Variants in KLHL1 observed in about 807,000 individuals in gnomAD.
KLHL1 encodes the protein kelch-like protein 1.
Under a neutral mutation model 77.7 loss-of-function variants are expected in KLHL1, and 47 were observed. The ratio of observed to expected loss-of-function variants is 0.60; its 90% CI spans 0.48 to 0.77. The LOEUF (loss-of-function observed/expected upper bound fraction) is 0.77, where lower values mean the gene tolerates loss of function less well. Among genes scored for constraint, KLHL1 ranks in the 30% least tolerant of loss-of-function variants. The probability of loss-of-function intolerance (pLI) is 0.00; values close to 1 mark genes in which losing one functional copy is unlikely to be tolerated. For missense variants in KLHL1, 925 were observed against 910.8 expected (o/e 1.02, Z -0.20); for synonymous variants, 360 against 325.2 (o/e 1.11, Z -1.15).
chr13:70,008,637 C>T (rs547276279), intron 1 of KLHL1, among the ~76,000 whole-genome samples: 1 of 152,136 alleles, frequency 6.6e-6, no homozygotes, highest in South Asian at 2.1e-4. Context: ...TCATTTACAA[C>T]CCACAATTAT....
At chr13:69,942,669 A>G (rs919817312) in intron 3 of KLHL1, among the ~76,000 whole-genome samples, 1 of 152,090 alleles carries the variant, frequency 6.6e-6, no homozygotes, top group African/African-American at 2.4e-5. Context: ...ATTTTGCTAT[A>G]TGTATGTGTA....
chr13:69,718,325 G>A (rs1180383154), intron 9 of KLHL1, among the ~76,000 whole-genome samples: 1 of 152,022 alleles, frequency 6.6e-6, no homozygotes, highest in African/African-American at 2.4e-5. Flanking sequence ...ATTACTTGCA[G>A]TTGAAATCTT....
chr13:69,941,259 C>A (rs1883357298), intron 3 of KLHL1, among the ~76,000 whole-genome samples: 1 of 151,866 alleles, frequency 6.6e-6, no homozygotes, highest in Non-Finnish European at 1.5e-5. Context: ...TCCTCTCAGA[C>A]CACAGTGGAA....
intron 1 of KLHL1, among the ~76,000 whole-genome samples, chr13:69,978,216 T>C (rs1375998756): frequency 6.6e-6 from 1 of 151,926 alleles, no homozygotes; most frequent in Non-Finnish European, 1.5e-5. Context: ...ATTTTAAGAT[T>C]TAGAATGAAC....
chr13:69,954,314 G>C (rs1381656437), intron 3 of KLHL1, among the ~76,000 whole-genome samples: 1 of 151,008 alleles, frequency 6.6e-6, no homozygotes, highest in Non-Finnish European at 1.5e-5. Flanking sequence ...AAGTACAGGT[G>C]GAAAAAGCCT....
Position 70,107,593 on chromosome 13 carries a change from C to T in KLHL1, c.107G>A (p.Gly36Asp), listed in dbSNP as rs781511350. The T allele has an allele frequency of 1.2e-5, 19 of 1,598,174 alleles. No homozygotes were observed. The highest frequency in any genetic ancestry group is 1.6e-5 in the Non-Finnish European group (19 of 1,172,354). ...GCCACTGCCGTCCTGTTGCAGGCAG[C>T]CTCCCCCCGCCGGGCCGCCGGTGGA... is the stretch of plus-strand genomic sequence containing the variant. ...SPSTGGPAGG[G>D]CLQQDGSGSF... Residue 36 changes from glycine to aspartate, a missense_variant, in exon 1 of 11, where the codon GGC becomes GAC. Coordinates refer to ENST00000377844, the MANE Select transcript of KLHL1 (RefSeq NM_020866.3).
chr13:69,979,403 T>C (rs535073389), intron 1 of KLHL1, among the ~76,000 whole-genome samples: 23 of 152,184 alleles, frequency 1.5e-4, no homozygotes, highest in African/African-American at 4.3e-4. Flanking sequence ...ATACTTAATA[T>C]AGAATTTTAA....
intron 1 of KLHL1, among the ~76,000 whole-genome samples, chr13:70,101,908 A>C (rs1313734853): frequency 6.6e-6 from 1 of 152,020 alleles, no homozygotes; most frequent in Non-Finnish European, 1.5e-5. Context: ...TTTGGTTTAA[A>C]TAATAGTAAA....
intron 5 of KLHL1, among the ~76,000 whole-genome samples, chr13:69,842,903 G>A (rs1468080932): frequency 2.6e-5 from 4 of 151,744 alleles, no homozygotes; most frequent in African/African-American, 9.7e-5. Context: ...TATGGAACTG[G>A]AGGTCATTAT....
intron 1 of KLHL1, among the ~76,000 whole-genome samples, chr13:69,981,222 AC>A (rs1056767026): frequency 4.3e-4 from 61 of 143,454 alleles, no homozygotes; most frequent in African/African-American, 1.7e-3. Context: ...TTATGACAAT[AC>A]TAAAATTACA....
chr13:69,818,781 C>T (rs1878226867), intron 6 of KLHL1, among the ~76,000 whole-genome samples: 1 of 152,140 alleles, frequency 6.6e-6, no homozygotes, highest in South Asian at 2.1e-4. Context: ...CAGTGATATA[C>T]TTCAAGCTCA....
rs1297229089 is a variant in KLHL1 at position 69,779,338 on chromosome 13, TTCCTTCCC to T, written c.1639+17392_1639+17399del. On this transcript the variant is annotated intron_variant, in intron 7 of 10. Transcript: ENST00000377844. ...TTCTGTTAAAAAAGGTCTTCCTTCC[TTCCTTCCC>T]TCCTCTTTTTTCCTTTCCTTCCTCC... Among the ~76,000 whole-genome samples, 9 of 150,968 alleles carry T rather than the reference TTCCTTCCC, an allele frequency of 6.0e-5. No individual in the cohort carries two copies. In the East Asian group the frequency reaches 1.4e-3, roughly 23 times the overall value.
intron 1 of KLHL1, among the ~76,000 whole-genome samples, chr13:70,005,057 T>C (rs1885375486): frequency 6.6e-6 from 1 of 151,814 alleles, no homozygotes; most frequent in African/African-American, 2.4e-5. Context: ...ATACAGGTTT[T>C]TGTATTGCAA....
At chr13:70,057,662 G>A (rs935186833) in intron 1 of KLHL1, among the ~76,000 whole-genome samples, 1 of 149,566 alleles carries the variant, frequency 6.7e-6, no homozygotes, top group Non-Finnish European at 1.5e-5. Flanking sequence ...TGTAGTCCCA[G>A]CTACTCGGGA....
chr13:70,087,656 A>G (rs891262566), intron 1 of KLHL1, among the ~76,000 whole-genome samples: 2 of 152,036 alleles, frequency 1.3e-5, no homozygotes, highest in African/African-American at 4.8e-5. Flanking sequence ...CTTTTCAGAT[A>G]TCCTTTGAGC....
chr13:69,942,480 T>C (rs887188115), intron 3 of KLHL1, among the ~76,000 whole-genome samples: 4 of 152,128 alleles, frequency 2.6e-5, no homozygotes, highest in African/African-American at 4.8e-5. Context: ...AATAGTTTTA[T>C]GACATAATAA....
At chr13:69,832,492 G>A (rs1379782212) in intron 6 of KLHL1, among the ~76,000 whole-genome samples, 1 of 149,848 alleles carries the variant, frequency 6.7e-6, no homozygotes, top group Non-Finnish European at 1.5e-5. Flanking sequence ...GTTCATGGAT[G>A]GGTAGAATCA....
In KLHL1 at chr13:70,108,287, C is replaced by T. The variant is rs1888128340; in HGVS notation, c.-588G>A. On this transcript the variant is annotated 5_prime_UTR_variant, in exon 1 of 11. Transcript: ENST00000377844. ...CTGTCCCTGGCCTTTTCGAGGATGC[C>T]CCGATAGCCTGCCGGGTGGCTCTGA... 5.4e-6 allele frequency: 2 copies of T among 367,078 alleles called. No individual in the cohort carries two copies. Among genetic ancestry groups the T allele is most frequent in the Non-Finnish European group, 9.7e-6 (2 of 207,034 alleles). The allele number at this position is 367,078 out of a possible 1,614,324, so 22.7% of individuals were successfully genotyped here.
chr13:69,886,324 T>A (rs137893007), intron 4 of KLHL1, among the ~76,000 whole-genome samples: 1,522 of 152,036 alleles, frequency 0.01, 12 homozygotes, highest in Middle Eastern at 0.045. Context: ...ATAATTTTTC[T>A]AGCTAAAACA....
Sources: gnomAD v4.1 joint callset for allele counts (sites outside exome capture counted in the v4.1 genomes callset) on GRCh38, gnomAD v4.1.1 for gene constraint, MANE v1.5 for transcripts, NCBI Gene and HGNC (gene_info 2026-07-23, HGNC 2026-07-21) for gene names.